Variants in USPL1 observed in about 807,000 individuals in gnomAD.
USPL1 encodes the protein ubiquitin specific peptidase like 1.
Under a neutral mutation model 51.5 loss-of-function variants are expected in USPL1, and 27 were observed. The observed-to-expected ratio is 0.52, with a 90% CI of 0.39 to 0.72. USPL1 has a LOEUF of 0.72. USPL1 is among the 30% of genes least tolerant of loss of function. The pLI is 0.00. For synonymous variants in USPL1, 451 were observed against 459.6 expected (o/e 0.98, Z 0.24); for missense variants, 1,226 against 1,268.0 (o/e 0.97, Z 0.50).
rs1950882307 is a variant in USPL1 at position 30,636,807 on chromosome 13, GC to G, written c.869-936del. On this transcript the variant is annotated intron_variant, in intron 4 of 8. Transcript: ENST00000255304. The stretch of plus-strand genomic sequence containing the variant: ...CCCAGCTACTCAGGAGGTTGAGGCT[GC>G]AAGATGGCTTGAGCCCAGGAGTTAA... Among the ~76,000 whole-genome samples the G allele has an allele frequency of 2.0e-5, 3 of 152,336 alleles. No homozygotes were observed. In the South Asian group the frequency reaches 6.2e-4, roughly 32 times the overall value.
rs1250764173 is a variant in USPL1, at chr13:30,630,954, A to G, written c.348A>G (p.Ser116=). 3.1e-6 allele frequency: 5 copies of G among 1,614,156 alleles called. No homozygotes were observed. The highest frequency in any genetic ancestry group is 1.7e-5 in the Admixed American group (1 of 60,020). ...GCTTAGAAAGCAGCTATAAGGATTCACTTCTTTTAGCAAATTCCAAAAAGA... is the reference window on the plus strand; with the variant it reads ...GCTTAGAAAGCAGCTATAAGGATTCGCTTCTTTTAGCAAATTCCAAAAAGA... ...RKSLESSYKD[S]LLLANSKKTR... Residue 116 remains serine, a synonymous_variant, in exon 4 of 9, where the codon TCA becomes TCG. Coordinates refer to ENST00000255304, the MANE Select transcript of USPL1 (RefSeq NM_005800.5).
chr13:30,646,535 T>A (rs982473174), intron 6 of USPL1, among the ~76,000 whole-genome samples: 1 of 152,212 alleles, frequency 6.6e-6, no homozygotes, highest in Non-Finnish European at 1.5e-5. Context: ...TAAGGGCTAT[T>A]TTTTCCCCCT....
intron 1 of USPL1, among the ~76,000 whole-genome samples, chr13:30,618,465 G>C (rs1272648406): frequency 6.6e-6 from 1 of 151,624 alleles, no homozygotes; most frequent in Non-Finnish European, 1.5e-5. Flanking sequence ...TTGTGGCCTC[G>C]CTTTTGACAG....
intron 6 of USPL1, among the ~76,000 whole-genome samples, chr13:30,646,051 A>G (rs867903642): frequency 3.3e-5 from 5 of 152,316 alleles, no homozygotes; most frequent in Middle Eastern, 3.4e-3. Context: ...TGATATCTTT[A>G]TGTTGCTTTG....
intron 1 of USPL1, among the ~76,000 whole-genome samples, chr13:30,620,634 G>A (rs1219650017): frequency 6.6e-6 from 1 of 152,198 alleles, no homozygotes; most frequent in Non-Finnish European, 1.5e-5. Context: ...CAATAGGAAT[G>A]TATGGAATAT....
At chr13:30,619,863 A>T (rs1390956453) in intron 1 of USPL1, among the ~76,000 whole-genome samples, 1 of 152,202 alleles carries the variant, frequency 6.6e-6, no homozygotes, top group Non-Finnish European at 1.5e-5. Context: ...TCTCACCAGA[A>T]GGGGTGATTT....
At chr13:30,624,025 G>C (rs1289564363) in intron 3 of USPL1, among the ~76,000 whole-genome samples, 1 of 152,208 alleles carries the variant, frequency 6.6e-6, no homozygotes, top group Non-Finnish European at 1.5e-5. Context: ...AGAAGGGGGA[G>C]TGGGAACCTT....
At chr13:30,629,990 T>C (rs1263849235) in intron 3 of USPL1, among the ~76,000 whole-genome samples, 1 of 151,978 alleles carries the variant, frequency 6.6e-6, no homozygotes, top group African/African-American at 2.4e-5. Context: ...ATTATTATTT[T>C]AGAGACAGGG....
intron 5 of USPL1, among the ~76,000 whole-genome samples, chr13:30,640,177 A>T (rs1950928271): frequency 1.3e-5 from 2 of 152,138 alleles, no homozygotes; most frequent in South Asian, 4.1e-4. Context: ...ATTCATGGAG[A>T]ACTTTATGTA....
intron 3 of USPL1, among the ~76,000 whole-genome samples, 161 bp downstream of exon 3, chr13:30,622,053 A>ACC (rs1229746262): frequency 6.6e-6 from 1 of 151,704 alleles, no homozygotes; most frequent in Non-Finnish European, 1.5e-5. Flanking sequence ...TTATTTTTCC[A>ACC]CCTACCTTTA....
Position 30,658,715 on chromosome 13 carries a change from TTGG to T in USPL1, c.2642_2644del (p.Val881del), listed in dbSNP as rs752750797. The T allele has an allele frequency of 1.9e-6, 3 of 1,614,210 alleles. No homozygotes were observed. The highest frequency in any genetic ancestry group is 1.1e-5 in the South Asian group (1 of 91,090). ...TATTTCTTCAGCAAACCATGAAGAC[TTGG>T]TGGAAGGTCAGATTCATAAACTTCG... On this transcript the variant is annotated inframe_deletion, in exon 9 of 9. Transcript: ENST00000255304.
At chr13:30,621,971 ACTCATTTTTTG>A in intron 3 of USPL1, 79 bp downstream of exon 3, 1 of 1,116,302 alleles carries the variant, frequency 9.0e-7, no homozygotes, top group Non-Finnish European at 1.2e-6. Flanking sequence ...TTAAAAGTTT[ACTCATTTTTTG>A]TTTTTTAGAC....
At chr13:30,644,870 G>T (rs577104778) in intron 6 of USPL1, among the ~76,000 whole-genome samples, 6 of 152,154 alleles carry the variant, frequency 3.9e-5, no homozygotes, top group African/African-American at 1.4e-4. Flanking sequence ...GAGAATTAAC[G>T]TTTTATTCAT....
intron 3 of USPL1, among the ~76,000 whole-genome samples, chr13:30,622,576 T>TAAA (rs1471134808): frequency 1.3e-5 from 2 of 152,220 alleles, no homozygotes; most frequent in Admixed American, 1.3e-4. Context: ...AAGATCCTGA[T>TAAA]ACAGTGGCAG....
chr13:30,645,169 T>A (rs1020019486), intron 6 of USPL1, among the ~76,000 whole-genome samples: 2 of 152,290 alleles, frequency 1.3e-5, no homozygotes, highest in African/African-American at 4.8e-5. Flanking sequence ...ACTACCTGGG[T>A]TTTAAATAAT....
At chr13:30,618,247 C>T (rs901972376) in intron 1 of USPL1, among the ~76,000 whole-genome samples, 191 bp downstream of exon 1, 7 of 152,164 alleles carry the variant, frequency 4.6e-5, no homozygotes, top group Admixed American at 3.9e-4. Context: ...GAGGTGAACG[C>T]TGAAGAGAAA....
chr13:30,641,720 T>A (rs1236905974), intron 5 of USPL1, among the ~76,000 whole-genome samples: 4 of 152,192 alleles, frequency 2.6e-5, no homozygotes, highest in Non-Finnish European at 5.9e-5. Flanking sequence ...AGGATTAGAC[T>A]GAAAAGTTAA....
rs1273280052 is a variant in USPL1, at chr13:30,631,112, T to C, written c.506T>C (p.Leu169Ser). 3.7e-5 allele frequency: 60 copies of C among 1,614,096 alleles called. No homozygotes were observed. The highest frequency in any genetic ancestry group is 5.1e-5 in the Non-Finnish European group (60 of 1,180,056). ...AATCCAATTAGGACAGCTGATTCCT[T>C]GGAGCGGAATGAGATTTTGGAAGCT... ...QQNPIRTADS[L>S]ERNEILEADT... The change falls in exon 4 of 9, where the codon TTG becomes TCG. Residue 169 changes from leucine (L) to serine (S), a missense_variant. Coordinates refer to ENST00000255304, the MANE Select transcript of USPL1 (RefSeq NM_005800.5).
At chr13:30,646,582 C>T (rs562577996) in intron 6 of USPL1, among the ~76,000 whole-genome samples, 4 of 152,316 alleles carry the variant, frequency 2.6e-5, no homozygotes, top group Non-Finnish European at 4.4e-5. Flanking sequence ...AACTGGATGC[C>T]GTTACTGGCA....
Sources: gnomAD v4.1 joint callset for allele counts (sites outside exome capture counted in the v4.1 genomes callset) on GRCh38, gnomAD v4.1.1 for gene constraint, MANE v1.5 for transcripts, NCBI Gene and HGNC (gene_info 2026-07-23, HGNC 2026-07-21) for gene names.